MYO16: variants seen among roughly 807,000 people sequenced by gnomAD.
MYO16 encodes the protein myosin XVI, also known as unconventional myosin-XVI.
MYO16 carries 94 observed loss-of-function variants against 205.3 expected under a neutral mutation model. That is an observed-to-expected ratio of 0.46 (90% confidence interval 0.39 to 0.54). The LOEUF (loss-of-function observed/expected upper bound fraction) is 0.54. Ranked by LOEUF, MYO16 falls within the 20% of genes least tolerant of loss-of-function variation. MYO16 has a pLI of 0.00. For missense variants in MYO16, 2,315 were observed against 2,387.5 expected, an observed-to-expected ratio of 0.97 and a Z score of 0.63; for synonymous variants, 988 against 954.0, an observed-to-expected ratio of 1.04 and a Z score of -0.66.
chr13:108,550,666 A>G, the MYO16 span, among the ~76,000 whole-genome samples: 20 of 152,230 alleles, frequency 1.3e-4, no homozygotes, highest in Non-Finnish European at 2.5e-4. Context: ...CTAAATTGAA[A>G]AAGAAAAGTA....
At chr13:108,840,616 C>A (rs1346328996) in intron 9 of MYO16, among the ~76,000 whole-genome samples, 1 of 152,176 alleles carries the variant, frequency 6.6e-6, no homozygotes, top group East Asian at 1.9e-4. Context: ...CAGTTCACTG[C>A]AGCCTCGACC....
At chr13:108,800,667 G>A (rs1886944148) in intron 6 of MYO16, among the ~76,000 whole-genome samples, 1 of 152,168 alleles carries the variant, frequency 6.6e-6, no homozygotes, top group Non-Finnish European at 1.5e-5. Flanking sequence ...AATCCTGACT[G>A]AACCTAAGAG....
intron 20 of MYO16, among the ~76,000 whole-genome samples, chr13:108,977,453 T>C (rs1484917078): frequency 6.6e-6 from 1 of 152,218 alleles, no homozygotes; most frequent in Non-Finnish European, 1.5e-5. Context: ...CGACGTCTTC[T>C]GGCAAGACAA....
At chr13:108,616,907 A>G (rs764345016) in intron 1 of MYO16, among the ~76,000 whole-genome samples, 1 of 152,182 alleles carries the variant, frequency 6.6e-6, no homozygotes, top group Admixed American at 6.5e-5. Context: ...ATTTCCTTTC[A>G]TTCTGGGGCT....
intron 2 of MYO16, among the ~76,000 whole-genome samples, chr13:108,681,311 C>A (rs188495163): frequency 2.6e-3 from 392 of 152,340 alleles, no homozygotes; most frequent in Non-Finnish European, 4.2e-3. Flanking sequence ...TAAGGAGTTT[C>A]AGTAAAAGGC....
chr13:109,186,085 G>A (rs2139932220), intron 34 of MYO16, among the ~76,000 whole-genome samples: 1 of 152,232 alleles, frequency 6.6e-6, no homozygotes, highest in East Asian at 1.9e-4. Context: ...AGGATCACTT[G>A]AGCTCAGGAG....
chr13:109,172,852 T>A (rs1297342987), intron 33 of MYO16, among the ~76,000 whole-genome samples: 2 of 152,160 alleles, frequency 1.3e-5, no homozygotes, highest in Non-Finnish European at 2.9e-5. Context: ...TGCAAGGCAG[T>A]GAATTCGTTT....
intron 10 of MYO16, 21 bp downstream of exon 10, chr13:108,844,514 T>G (rs1481796554): frequency 1.3e-6 from 2 of 1,575,184 alleles, no homozygotes; most frequent in East Asian, 2.3e-5. Flanking sequence ...TTTCACTGTG[T>G]GTCTACCAGT....
chr13:108,975,235 C>A (rs868292665), intron 20 of MYO16, among the ~76,000 whole-genome samples: 1 of 151,108 alleles, frequency 6.6e-6, no homozygotes, highest in Non-Finnish European at 1.5e-5. Context: ...CTTCAGGGTT[C>A]ACAATTTTCT....
chr13:108,877,394 C>G (rs1296145303), intron 12 of MYO16, among the ~76,000 whole-genome samples: 1 of 152,210 alleles, frequency 6.6e-6, no homozygotes, highest in African/African-American at 2.4e-5. Context: ...TTGGGCCTGT[C>G]ACTGACTTCT....
At chr13:108,699,076 GTCTCTCTCTC>G (rs71791844) in intron 2 of MYO16, among the ~76,000 whole-genome samples, 1 of 147,812 alleles carries the variant, frequency 6.8e-6, no homozygotes, top group South Asian at 2.1e-4. Flanking sequence ...GTCTCTCTCT[GTCTCTCTCTC>G]TCTCTCTCTC....
At chr13:109,200,191 A>G (rs1880344089) in intron 34 of MYO16, among the ~76,000 whole-genome samples, 1 of 152,200 alleles carries the variant, frequency 6.6e-6, no homozygotes, top group African/African-American at 2.4e-5. Flanking sequence ...ATAGTCTTAC[A>G]TAGAATTATA....
chr13:108,975,190 GT>G (rs55838053), intron 20 of MYO16, among the ~76,000 whole-genome samples: 74 of 110,812 alleles, frequency 6.7e-4, no homozygotes, highest in Middle Eastern at 4.1e-3. Context: ...TACTGTTTTT[GT>G]TTTTTTTTTT....
chr13:109,076,467 A>G (rs1380347203), intron 27 of MYO16, among the ~76,000 whole-genome samples: 4 of 152,134 alleles, frequency 2.6e-5, no homozygotes, highest in African/African-American at 9.7e-5. Flanking sequence ...TTGCACCCAG[A>G]AGTGGGCATT....
At chr13:108,934,107 A>C (rs1318144339) in intron 16 of MYO16, among the ~76,000 whole-genome samples, 1 of 152,074 alleles carries the variant, frequency 6.6e-6, no homozygotes, top group Admixed American at 6.6e-5. Context: ...TTTCCTTTGG[A>C]TAACAAAGGA....
At chr13:108,923,131 A>G (rs1196944554) in intron 16 of MYO16, among the ~76,000 whole-genome samples, 1 of 152,220 alleles carries the variant, frequency 6.6e-6, no homozygotes, top group Non-Finnish European at 1.5e-5. Context: ...AATGACCCAC[A>G]AAAGGACAGG....
At chr13:108,779,866 A>C (rs1203190292) in intron 4 of MYO16, 1 of 152,224 alleles carries the variant, frequency 6.6e-6, no homozygotes, top group Non-Finnish European at 1.5e-5. Flanking sequence ...CCGGAGGCCC[A>C]GCCCCAGGAT....
intron 1 of MYO16, among the ~76,000 whole-genome samples, chr13:108,601,856 C>G (rs866346752): frequency 5.3e-5 from 8 of 152,058 alleles, no homozygotes; most frequent in South Asian, 2.1e-4. Context: ...TCAGGCCTCT[C>G]AATTTGGGAG....
chr13:108,783,380 C>T (rs908117045), intron 4 of MYO16, among the ~76,000 whole-genome samples: 5 of 152,190 alleles, frequency 3.3e-5, no homozygotes, highest in Admixed American at 6.5e-5. Context: ...TACACAATGC[C>T]TGTACCAGCA....
Sources: allele counts gnomAD v4.1 joint callset (sites outside exome capture counted in the v4.1 genomes callset), GRCh38; gene constraint gnomAD v4.1.1; transcripts MANE v1.5; gene names NCBI Gene and HGNC (gene_info 2026-07-23, HGNC 2026-07-21).